PPM1A: variants seen among roughly 807,000 people sequenced by gnomAD.
PPM1A encodes the protein protein phosphatase, Mg2+/Mn2+ dependent 1A.
A neutral mutation model predicts 35.0 loss-of-function variants in PPM1A; 7 were observed. The ratio of observed to expected loss-of-function variants is 0.20; its 90% CI spans 0.11 to 0.38. The LOEUF (loss-of-function observed/expected upper bound fraction) is 0.38. PPM1A is among the 10% of genes least tolerant of loss of function. The pLI, the probability that PPM1A is intolerant of heterozygous loss-of-function variation, is 1.00. For missense variants in PPM1A, 239 were observed against 467.8 expected (o/e 0.51, Z 4.51); for synonymous variants, 153 against 167.3 (o/e 0.91, Z 0.66).
At chr14:60,247,502 C>T (rs544173987), upstream of PPM1A, among the ~76,000 whole-genome samples, 90 of 151,720 alleles carry the variant, frequency 5.9e-4, no homozygotes, top group South Asian at 8.1e-3. Flanking sequence ...TGGTGGCAGG[C>T]GCCTGTAGTC....
At chr14:60,281,046 C>T (rs1222490771) in intron 1 of PPM1A, among the ~76,000 whole-genome samples, 1 of 152,020 alleles carries the variant, frequency 6.6e-6, no homozygotes, top group African/African-American at 2.4e-5. Flanking sequence ...TTATTATCTA[C>T]CTTAGAGAGT....
At chr14:60,271,581 T>C (rs1390968186) in intron 1 of PPM1A, among the ~76,000 whole-genome samples, 1 of 152,190 alleles carries the variant, frequency 6.6e-6, no homozygotes, top group Middle Eastern at 3.2e-3. Flanking sequence ...GAATTGGATG[T>C]GGTCAATAAG....
chr14:60,245,937 G>C, upstream of PPM1A: 1 of 1,578,594 alleles, frequency 6.3e-7, no homozygotes, highest in Non-Finnish European at 8.6e-7. This position sits in a 1 kb window ranked among gnomAD's most constrained non-coding sequence, Gnocchi z 4.2. Flanking sequence ...GGAAGAGAAG[G>C]GCAAAGAAGG....
chr14:60,270,449 G>C (rs1020908436), intron 1 of PPM1A, among the ~76,000 whole-genome samples: 1 of 151,758 alleles, frequency 6.6e-6, no homozygotes, highest in African/African-American at 2.4e-5. Flanking sequence ...TTTTTGTATG[G>C]GTTCTATAAA....
chr14:60,250,753 G>A lies in PPM1A; in HGVS notation c.-21+1076G>A, dbSNP rs2296639. The stretch of plus-strand genomic sequence containing the variant: ...CAGTCTTTTCAAACTTGCACGTTGG[G>A]GTTTTAAACACAACCACTTTACATG... On this transcript the variant is annotated intron_variant, in intron 1 of 5. Transcript: ENST00000395076. Among the ~76,000 whole-genome samples the A allele has an allele frequency of 6.6e-4, 101 of 152,294 alleles. 1 individual carries two copies. The East Asian group carries it at 0.017, about 26-fold the overall frequency.
Position 60,273,817 on chromosome 14 carries a change from A to G in PPM1A, c.-20-8867A>G, listed in dbSNP as rs1566588408. ...GATGGGAGATGAGGTAGAGAGAGGT[A>G]TCAAAGATATCCTTAGTTTCTGTTT... On this transcript the variant is annotated intron_variant, in intron 1 of 5. Coordinates refer to ENST00000395076, the MANE Select transcript of PPM1A (RefSeq NM_021003.5). The surrounding 1 kb of genome is among the most constrained non-coding windows in gnomAD (Gnocchi z 4.3). 6.6e-6 allele frequency among the ~76,000 whole-genome samples: 1 copy of G among 152,290 alleles called. No individual in the cohort carries two copies. The highest frequency in any genetic ancestry group is 2.4e-5 in the African/African-American group (1 of 41,554).
chr14:60,276,520 G>A (rs1247696887), intron 1 of PPM1A, among the ~76,000 whole-genome samples: 1 of 152,042 alleles, frequency 6.6e-6, no homozygotes, highest in Non-Finnish European at 1.5e-5. Flanking sequence ...TGTTATATGA[G>A]TAAGAATAAC....
chr14:60,285,004 T>A (rs1886840185), intron 2 of PPM1A, among the ~76,000 whole-genome samples: 1 of 152,080 alleles, frequency 6.6e-6, no homozygotes, highest in Non-Finnish European at 1.5e-5. Flanking sequence ...ATTATAGCAT[T>A]TGAATACTTA....
In PPM1A at chr14:60,249,291, C is replaced by T. The variant is rs1480734513; in HGVS notation, c.-407C>T. On this transcript the variant is annotated 5_prime_UTR_variant, in exon 1 of 6. Coordinates refer to ENST00000395076, the MANE Select transcript of PPM1A (RefSeq NM_021003.5). The surrounding 1 kb of genome is among the most constrained non-coding windows in gnomAD (Gnocchi z 4.5). ...CGCGGGAGCTAGAGAGCAGTGGTCT[C>T]GGCGCTCGTCCGGCCCGCAGCTTCG... 42 of 961,842 alleles carry T rather than the reference C, an allele frequency of 4.4e-5. No homozygotes were observed. The highest frequency in any genetic ancestry group is 5.0e-5 in the Non-Finnish European group (41 of 825,206). 59.6% of individuals were successfully genotyped at this position (961,842 alleles called of 1,614,324 possible).
chr14:60,271,148 CA>C (rs1390161751), intron 1 of PPM1A, among the ~76,000 whole-genome samples: 2 of 152,132 alleles, frequency 1.3e-5, no homozygotes, highest in African/African-American at 4.8e-5. Flanking sequence ...GCCTGGTAGC[CA>C]CATCACTCGA....
chr14:60,291,549 A>G (rs1887636287), intron 5 of PPM1A, 95 bp downstream of exon 5: 1 of 963,548 alleles, frequency 1.0e-6, no homozygotes, highest in Non-Finnish European at 1.5e-6. Context: ...CACTGTACCC[A>G]TTCTCTTACA....
chr14:60,277,543 A>G (rs1885906161), intron 1 of PPM1A, among the ~76,000 whole-genome samples: 1 of 152,070 alleles, frequency 6.6e-6, no homozygotes. Context: ...TATACTGTAT[A>G]TATTTTTTAA....
chr14:60,255,999 AAG>A (rs1357307779), intron 1 of PPM1A, among the ~76,000 whole-genome samples: 1 of 152,260 alleles, frequency 6.6e-6, no homozygotes, highest in Non-Finnish European at 1.5e-5. Context: ...TGTGTTAAAG[AAG>A]AGAGATAACT....
chr14:60,265,227 A>G (rs1884234630), intron 1 of PPM1A, among the ~76,000 whole-genome samples: 1 of 152,208 alleles, frequency 6.6e-6, no homozygotes, highest in African/African-American at 2.4e-5. Context: ...CTCACTGGAC[A>G]CATAATTTCA....
chr14:60,250,957 C>T (rs1169691604), intron 1 of PPM1A, among the ~76,000 whole-genome samples: 1 of 152,300 alleles, frequency 6.6e-6, no homozygotes, highest in African/African-American at 2.4e-5. Context: ...TCTGTAACTC[C>T]TTATTTTACA....
At position 60,294,963 on chromosome 14, in the gene PPM1A, A is replaced by C. The variant is rs1887942213; in HGVS notation, c.*2481A>C. 6.6e-6 allele frequency: 1 copy of C among 151,746 alleles called. No homozygotes were observed. Among genetic ancestry groups the C allele is most frequent in the African/African-American group, 2.4e-5 (1 of 41,364 alleles). The allele number at this position is 151,746 out of a possible 1,614,324, so 9.4% of individuals were successfully genotyped here. ...CTGGAGGTAATAGTGGGGGGAAACC[A>C]ACCATACTTTTTAAAGGCACTTTTG... is the stretch of plus-strand genomic sequence containing the variant. On this transcript the variant is annotated 3_prime_UTR_variant, in exon 6 of 6. Transcript: ENST00000395076.
At chr14:60,254,809 C>T (rs1882861411) in intron 1 of PPM1A, among the ~76,000 whole-genome samples, 1 of 152,194 alleles carries the variant, frequency 6.6e-6, no homozygotes, top group African/African-American at 2.4e-5. Context: ...TTCATTATAT[C>T]ATTTCTCTCA....
intron 1 of PPM1A, among the ~76,000 whole-genome samples, chr14:60,251,224 A>G (rs965492987): frequency 1.3e-5 from 2 of 152,254 alleles, no homozygotes; most frequent in Admixed American, 1.3e-4. Context: ...GCAGTTGCCT[A>G]AGACATTTTA....
At chr14:60,245,847 C>T, upstream of PPM1A, 1 of 1,584,148 alleles carries the variant, frequency 6.3e-7, no homozygotes, top group South Asian at 1.2e-5. This position sits in a 1 kb window ranked among gnomAD's most constrained non-coding sequence, Gnocchi z 4.2. Flanking sequence ...TGTCTGCTCG[C>T]ATGTTCTGTT....
Sources: allele counts gnomAD v4.1 joint callset (sites outside exome capture counted in the v4.1 genomes callset), GRCh38; gene constraint gnomAD v4.1.1; non-coding constraint Gnocchi (gnomAD v3.1); transcripts MANE v1.5; gene names NCBI Gene and HGNC (gene_info 2026-07-23, HGNC 2026-07-21).